The following OPCML variants were observed in gnomAD, a reference collection of about 807,000 sequenced individuals.
OPCML encodes the protein opioid binding protein/cell adhesion molecule like.
OPCML carries 13 observed loss-of-function variants against 37.8 expected under a neutral mutation model. That is an observed-to-expected ratio of 0.34 (90% CI 0.22 to 0.55). The LOEUF (loss-of-function observed/expected upper bound fraction) is 0.55, where lower values mean the gene tolerates loss of function less well. OPCML is among the 20% of genes least tolerant of loss of function. OPCML has a pLI of 0.91. For missense variants in OPCML, 341 were observed against 435.6 expected (o/e 0.78, Z 1.93); for synonymous variants, 176 against 168.8 (o/e 1.04, Z -0.33).
At chr11:133,374,078 TA>T (rs1356261298) in intron 1 of OPCML, among the ~76,000 whole-genome samples, 5 of 152,310 alleles carry the variant, frequency 3.3e-5, no homozygotes, top group Admixed American at 3.3e-4. Context: ...ACTTTATCTG[TA>T]ATAGCCGAAA....
rs2095937189 is a variant in OPCML at position 132,415,973 on chromosome 11, A to C, written c.*4220T>G. The C allele has an allele frequency of 6.6e-6, 1 of 152,596 alleles. No individual in the cohort carries two copies. The highest frequency in any genetic ancestry group is 6.5e-5 in the Admixed American group (1 of 15,278). The allele number at this position is 152,596 out of a possible 1,614,324, so 9.5% of individuals were successfully genotyped here. ...TTACACACCTGTGAAGTTTTACTCAAGTGCTCAAACTTATTTGTCTTCAAG... is the reference window on the plus strand; with the variant it reads ...TTACACACCTGTGAAGTTTTACTCACGTGCTCAAACTTATTTGTCTTCAAG... On this transcript the variant is annotated 3_prime_UTR_variant, in exon 8 of 8. Transcript: ENST00000524381.
intron 3 of OPCML, among the ~76,000 whole-genome samples, chr11:132,640,628 G>T (rs141615256): frequency 7.2e-5 from 11 of 152,252 alleles, no homozygotes. Context: ...AAACATTTCT[G>T]TTCATATAGA....
chr11:133,482,993 A>G (rs1947411717), intron 1 of OPCML, among the ~76,000 whole-genome samples: 1 of 152,176 alleles, frequency 6.6e-6, no homozygotes, highest in South Asian at 2.1e-4. Flanking sequence ...CTAGAAAACA[A>G]TATTTGAAGT....
At chr11:132,436,861 C>T in intron 5 of OPCML, 82 bp from the exon 6 acceptor site, 3 of 1,543,422 alleles carry the variant, frequency 1.9e-6, no homozygotes, top group Non-Finnish European at 2.6e-6. Flanking sequence ...ATGAAGGGCA[C>T]ATCCAGCCAT....
chr11:133,201,064 G>A (rs1189965500), intron 1 of OPCML, among the ~76,000 whole-genome samples: 1 of 152,142 alleles, frequency 6.6e-6, no homozygotes, highest in Non-Finnish European at 1.5e-5. Context: ...TCACTTATAA[G>A]TAGGAGATAA....
intron 2 of OPCML, among the ~76,000 whole-genome samples, chr11:132,920,885 T>C (rs1170580458): frequency 6.6e-6 from 1 of 152,152 alleles, no homozygotes; most frequent in East Asian, 1.9e-4. Context: ...AGCTCATTAA[T>C]CTCGGCTATC....
intron 2 of OPCML, among the ~76,000 whole-genome samples, chr11:132,783,130 G>T (rs1486315394): frequency 6.6e-6 from 1 of 151,874 alleles, no homozygotes; most frequent in Non-Finnish European, 1.5e-5. Flanking sequence ...GTTTGGGAAG[G>T]GTTTGTCCCT....
rs147961256 is a variant in OPCML, at chr11:133,384,042, A to T, written c.61+148222T>A. Among the ~76,000 whole-genome samples the T allele has an allele frequency of 1.1e-3, 174 of 152,108 alleles. 2 individuals carry two copies. In the East Asian group the frequency reaches 0.028, roughly 24 times the overall value. On this transcript the variant is annotated intron_variant, in intron 1 of 7. Transcript: ENST00000524381. ...CTGCTGATCTGTTTGAGAAGTCACC[A>T]TTGCACCCACCTGGCCAATCCTCAG...
chr11:133,318,975 C>T (rs777376456), intron 1 of OPCML, among the ~76,000 whole-genome samples: 6 of 151,494 alleles, frequency 4.0e-5, no homozygotes, highest in Non-Finnish European at 8.8e-5. Context: ...TGCAGTGAGC[C>T]GAGATCACAC....
At chr11:133,246,376 T>A (rs2083749355) in intron 1 of OPCML, among the ~76,000 whole-genome samples, 1 of 152,218 alleles carries the variant, frequency 6.6e-6, no homozygotes, top group Non-Finnish European at 1.5e-5. Context: ...CAGGGTTCTA[T>A]GGAAAAGCAA....
intron 6 of OPCML, 150 bp downstream of exon 6, chr11:132,436,509 G>A (rs2298479): frequency 0.29 from 408,032 of 1,420,876 alleles, 60,219 homozygotes; most frequent in Admixed American, 0.3. Context: ...TTTTTTTCTC[G>A]TTGTAAAAAT....
At chr11:132,900,999 G>C (rs926686381) in intron 2 of OPCML, among the ~76,000 whole-genome samples, 3 of 152,062 alleles carry the variant, frequency 2.0e-5, no homozygotes, top group African/African-American at 7.2e-5. Context: ...CCAACATATA[G>C]TGAAACCCCA....
Position 132,635,966 on chromosome 11 carries a change from T to TC in OPCML, c.379+21120dup, listed in dbSNP as rs556104770. Among the ~76,000 whole-genome samples, 93 of 151,964 alleles carry TC rather than the reference T, an allele frequency of 6.1e-4. 1 individual carries two copies. Among genetic ancestry groups the TC allele is most frequent in the South Asian group, 2.7e-3 (13 of 4,796 alleles). On this transcript the variant is annotated intron_variant, in intron 3 of 7. Coordinates refer to ENST00000524381, the MANE Select transcript of OPCML (RefSeq NM_001012393.5). ...TTAGATAGCTACATGTTGAAAATAC[T>TC]CCCCCCCGGATACAAGATGTCCATT... is the stretch of plus-strand genomic sequence containing the variant.
chr11:132,710,496 G>A (rs949698431), intron 2 of OPCML, among the ~76,000 whole-genome samples: 4 of 152,140 alleles, frequency 2.6e-5, no homozygotes, highest in Admixed American at 2.0e-4. Flanking sequence ...TTAGAAAGAT[G>A]AAAACAATTA....
At chr11:132,888,503 C>G (rs538989809) in intron 2 of OPCML, among the ~76,000 whole-genome samples, 65 of 152,296 alleles carry the variant, frequency 4.3e-4, no homozygotes, top group African/African-American at 1.3e-3. Context: ...TTTCTCCCCC[C>G]ACGCATCTGC....
intron 2 of OPCML, among the ~76,000 whole-genome samples, chr11:132,690,101 TC>T (rs1943337705): frequency 6.6e-6 from 1 of 152,244 alleles, no homozygotes; most frequent in African/African-American, 2.4e-5. Context: ...TAGATCAGGT[TC>T]TTTGTCTTTT....
intron 4 of OPCML, among the ~76,000 whole-genome samples, chr11:132,456,131 C>T (rs1333724562): frequency 1.3e-5 from 2 of 152,178 alleles, no homozygotes; most frequent in Non-Finnish European, 2.9e-5. Flanking sequence ...TTCTCTAACC[C>T]TCACAGAGAC....
At chr11:133,028,522 AGCGT>A (rs1565405912) in intron 1 of OPCML, among the ~76,000 whole-genome samples, 1 of 88,978 alleles carries the variant, frequency 1.1e-5, no homozygotes, top group Non-Finnish European at 2.0e-5. Context: ...TTTGATAAGG[AGCGT>A]GTGTGTGTGT....
chr11:133,281,792 C>G (rs149975748), intron 1 of OPCML, among the ~76,000 whole-genome samples: 168 of 152,094 alleles, frequency 1.1e-3, no homozygotes, highest in African/African-American at 3.8e-3. Context: ...TGTCAATGGT[C>G]TCGGGTGGAA....
Sources: gnomAD v4.1 joint callset for allele counts (sites outside exome capture counted in the v4.1 genomes callset) on GRCh38, gnomAD v4.1.1 for gene constraint, MANE v1.5 for transcripts, NCBI Gene and HGNC (gene_info 2026-07-23, HGNC 2026-07-21) for gene names.